The following STPG2 variants were observed in gnomAD, a reference collection of about 807,000 sequenced individuals.
STPG2 encodes the protein sperm tail PG-rich repeat containing 2.
STPG2 carries 56 observed loss-of-function variants against 54.2 expected under a neutral mutation model. The ratio of observed to expected loss-of-function variants is 1.03; its 90% CI spans 0.83 to 1.29. STPG2 has a LOEUF of 1.29. Among genes scored for constraint, STPG2 ranks in the 50% most tolerant of loss-of-function variants. The probability of loss-of-function intolerance (pLI) is 0.00; values close to 1 mark genes in which losing one functional copy is unlikely to be tolerated. For synonymous variants in STPG2, 200 were observed against 181.8 expected (o/e 1.10, Z -0.81); for missense variants, 596 against 544.9 (o/e 1.09, Z -0.93).
intron 8 of STPG2, among the ~76,000 whole-genome samples, chr4:97,902,880 A>G (rs760023765): frequency 1.4e-4 from 21 of 152,190 alleles, no homozygotes; most frequent in Non-Finnish European, 3.1e-4. Flanking sequence ...AAGAGCCAAG[A>G]TATGAAATCA....
intron 10 of STPG2, among the ~76,000 whole-genome samples, chr4:97,658,226 T>A (rs1722272757): frequency 1.3e-5 from 2 of 152,238 alleles, no homozygotes; most frequent in African/African-American, 2.4e-5. Context: ...ATATGACATA[T>A]GCCTGCAATC....
chr4:97,716,650 G>A (rs1424961691), intron 9 of STPG2, among the ~76,000 whole-genome samples: 4 of 150,228 alleles, frequency 2.7e-5, no homozygotes, highest in African/African-American at 9.8e-5. Context: ...GATGAACAAT[G>A]AGAACACATG....
intron 9 of STPG2, among the ~76,000 whole-genome samples, chr4:97,737,787 T>G (rs1480475507): frequency 2.2e-4 from 34 of 152,188 alleles, no homozygotes; most frequent in Admixed American, 1.8e-3. Flanking sequence ...AAAACACTCT[T>G]CAGGATATTA....
intron 8 of STPG2, among the ~76,000 whole-genome samples, chr4:97,925,445 T>C (rs190344447): frequency 1.3e-5 from 2 of 152,352 alleles, no homozygotes; most frequent in East Asian, 3.9e-4. Context: ...AAGTTCACTA[T>C]GACCAATTCA....
chr4:97,511,788 C>T (rs1287135554), intron 4 of STPG2, among the ~76,000 whole-genome samples: 1 of 151,362 alleles, frequency 6.6e-6, no homozygotes, highest in Non-Finnish European at 1.5e-5. Flanking sequence ...ATGTAATTAA[C>T]ATAATTAATT....
chr4:97,483,203 G>A (rs193286269), intron 4 of STPG2, among the ~76,000 whole-genome samples: 1 of 151,648 alleles, frequency 6.6e-6, no homozygotes, highest in Admixed American at 6.6e-5. Flanking sequence ...CAAATACCAT[G>A]ATGAATGGAA....
intron 9 of STPG2, among the ~76,000 whole-genome samples, chr4:97,730,913 A>G (rs1247831479): frequency 6.6e-6 from 1 of 152,148 alleles, no homozygotes; most frequent in East Asian, 1.9e-4. Context: ...CTCTTGGATC[A>G]TTTTATTAGC....
intron 9 of STPG2, among the ~76,000 whole-genome samples, chr4:97,767,877 CAT>C (rs1253629447): frequency 3.3e-5 from 5 of 152,052 alleles, no homozygotes; most frequent in Non-Finnish European, 7.4e-5. Context: ...GAAGATAAAA[CAT>C]AGAGTTGGCC....
chr4:97,443,330 C>A (rs1252241322), intron 4 of STPG2, among the ~76,000 whole-genome samples: 3 of 152,012 alleles, frequency 2.0e-5, no homozygotes, highest in Non-Finnish European at 4.4e-5. Flanking sequence ...GGCAGGATGT[C>A]AAGAAACTAA....
intron 5 of STPG2, among the ~76,000 whole-genome samples, chr4:98,008,479 C>T (rs1163332235): frequency 6.6e-6 from 1 of 151,272 alleles, no homozygotes; most frequent in African/African-American, 2.4e-5. Flanking sequence ...AGTCAATACT[C>T]ACCATCATAA....
At chr4:97,644,029 T>C (rs1245561178) in intron 10 of STPG2, among the ~76,000 whole-genome samples, 1 of 151,896 alleles carries the variant, frequency 6.6e-6, no homozygotes, top group Non-Finnish European at 1.5e-5. Flanking sequence ...TAGACTTGAA[T>C]TGATATGGCA....
intron 10 of STPG2, among the ~76,000 whole-genome samples, chr4:97,707,477 T>C (rs1052450912): frequency 6.6e-6 from 1 of 152,022 alleles, no homozygotes; most frequent in Non-Finnish European, 1.5e-5. Flanking sequence ...ACTGTGATTG[T>C]ACCACTGCAG....
At chr4:97,547,127 G>A (rs1017573241) in intron 4 of STPG2, among the ~76,000 whole-genome samples, 4 of 152,068 alleles carry the variant, frequency 2.6e-5, no homozygotes, top group African/African-American at 7.2e-5. Context: ...AAAATGAAAA[G>A]GGTAAAAGGG....
At position 98,086,937 on chromosome 4, in the gene STPG2, A is replaced by AT. The variant is rs1322029569; in HGVS notation, c.612+19015dup. Among the ~76,000 whole-genome samples, 15 of 152,302 alleles carry AT rather than the reference A, an allele frequency of 9.8e-5. 1 individual carries two copies. Among genetic ancestry groups the AT allele is most frequent in the East Asian group, 7.7e-4 (4 of 5,188 alleles). On this transcript the variant is annotated intron_variant, in intron 5 of 10. Transcript: ENST00000295268. The stretch of plus-strand genomic sequence containing the variant: ...CTATTTTGTTTACTTACATTATAGA[A>AT]TTTTTTTGCAAATTACAAAATAATA...
intron 5 of STPG2, among the ~76,000 whole-genome samples, chr4:98,019,768 T>A (rs78746612): frequency 8.2e-6 from 1 of 122,294 alleles, no homozygotes; most frequent in Non-Finnish European, 1.8e-5. Context: ...TATTTTATTC[T>A]CTTTGAAGCA....
intron 4 of STPG2, among the ~76,000 whole-genome samples, chr4:97,510,147 C>T (rs973222067): frequency 6.6e-6 from 1 of 152,036 alleles, no homozygotes; most frequent in Non-Finnish European, 1.5e-5. Context: ...CACTAGCACA[C>T]AGATTATTAG....
chr4:97,857,280 T>C (rs769896825), intron 8 of STPG2, among the ~76,000 whole-genome samples: 18 of 152,142 alleles, frequency 1.2e-4, no homozygotes, highest in Non-Finnish European at 2.2e-4. Context: ...TGTGAATCCA[T>C]CTGGTGTTGG....
At chr4:97,479,264 G>T (rs905211055) in intron 4 of STPG2, among the ~76,000 whole-genome samples, 6 of 151,792 alleles carry the variant, frequency 4.0e-5, no homozygotes, top group South Asian at 4.1e-4. Flanking sequence ...ATGGGTGTGG[G>T]TCTATATATG....
At chr4:97,959,717 A>T (rs1343139010) in intron 7 of STPG2, among the ~76,000 whole-genome samples, 1 of 151,120 alleles carries the variant, frequency 6.6e-6, no homozygotes, top group Non-Finnish European at 1.5e-5. Flanking sequence ...CTTACCAAGA[A>T]AAAAAAAAGT....
Sources: allele counts gnomAD v4.1 joint callset (sites outside exome capture counted in the v4.1 genomes callset), GRCh38; gene constraint gnomAD v4.1.1; transcripts MANE v1.5; gene names NCBI Gene and HGNC (gene_info 2026-07-23, HGNC 2026-07-21).